The following TRPC5 variants were observed in gnomAD, a reference collection of about 807,000 sequenced individuals.
The protein encoded by TRPC5 is transient receptor potential cation channel subfamily C member 5, also known as short transient receptor potential channel 5.
A neutral mutation model predicts 56.5 loss-of-function variants in TRPC5; 9 were observed. The ratio of observed to expected loss-of-function variants is 0.16; its 90% CI spans 0.10 to 0.28. TRPC5 has a LOEUF of 0.28. Ranked by LOEUF, TRPC5 falls within the 10% of genes least tolerant of loss-of-function variation. The pLI is 1.00. For synonymous variants in TRPC5, 282 were observed against 278.5 expected (o/e 1.01, Z -0.13); for missense variants, 469 against 748.9 (o/e 0.63, Z 4.36).
intron 1 of TRPC5, among the ~76,000 whole-genome samples, chrX:111,986,685 A>G (rs1420363265): frequency 9.0e-6 from 1 of 111,304 alleles, no homozygotes; most frequent in African/African-American, 3.3e-5. Context: ...TAGGAGCTCT[A>G]TGTCCCTAGC....
intron 2 of TRPC5, among the ~76,000 whole-genome samples, chrX:111,913,832 C>T (rs1183345145): frequency 3.6e-5 from 4 of 109,645 alleles, no homozygotes; most frequent in Non-Finnish European, 5.7e-5. Context: ...TGGTGGCGGG[C>T]GCCTGTAGTC....
At position 111,895,391 on chromosome X, in the gene TRPC5, G is replaced by A. The variant is rs1293704854; in HGVS notation, c.900+16900C>T. ...AAAAATTAGATTGATTATGTTTTTC[G>A]TATTGATTTGTAGTTTAAAAAATGT... On this transcript the variant is annotated intron_variant, in intron 3 of 10. Coordinates refer to ENST00000262839, the MANE Select transcript of TRPC5 (RefSeq NM_012471.3). 8.1e-5 allele frequency among the ~76,000 whole-genome samples: 9 copies of A among 111,641 alleles called. No individual in the cohort carries two copies. The East Asian group carries it at 1.1e-3, about 14-fold the overall frequency.
intron 1 of TRPC5, among the ~76,000 whole-genome samples, chrX:112,029,542 T>A (rs111335930): frequency 0.034 from 3,772 of 111,421 alleles, 93 homozygotes; most frequent in African/African-American, 0.081. Flanking sequence ...TACAGCACCT[T>A]TATTTTAGTT....
intron 1 of TRPC5, among the ~76,000 whole-genome samples, chrX:112,048,420 A>AT (rs1569530144): frequency 8.3e-5 from 9 of 108,273 alleles, no homozygotes; most frequent in African/African-American, 2.7e-4. Context: ...AAAAAAAAAA[A>AT]AAAAGGAGGG....
chrX:111,799,272 G>A (rs1290799521), intron 7 of TRPC5, among the ~76,000 whole-genome samples: 1 of 111,450 alleles, frequency 9.0e-6, no homozygotes, highest in African/African-American at 3.3e-5. Flanking sequence ...GTTTGTACTA[G>A]AAGGCCTGGA....
intron 1 of TRPC5, among the ~76,000 whole-genome samples, chrX:112,035,057 G>A (rs779490560): frequency 2.3e-4 from 23 of 101,503 alleles, no homozygotes; most frequent in Non-Finnish European, 3.6e-4. Flanking sequence ...GTAAAGTGAC[G>A]CTGTTGATTT....
In TRPC5 at chrX:111,945,429, G is replaced by T. The variant is rs903589423; in HGVS notation, c.378+6614C>A. 9.1e-5 allele frequency among the ~76,000 whole-genome samples: 10 copies of T among 110,221 alleles called. No individual in the cohort carries two copies. The Admixed American group carries it at 9.8e-4, about 11-fold the overall frequency. On this transcript the variant is annotated intron_variant, in intron 2 of 10. Transcript: ENST00000262839. ...AGTGATTAGGTAGTGGGCCAAGAGG[G>T]TCAGATTTCTGGAGCAACAAGTCCA...
At chrX:112,043,604 G>A (rs1303515021) in intron 1 of TRPC5, among the ~76,000 whole-genome samples, 1 of 106,429 alleles carries the variant, frequency 9.4e-6, no homozygotes, top group Non-Finnish European at 1.9e-5. Context: ...ACTTTCAGTG[G>A]TAACACACTG....
At chrX:111,948,846 C>T (rs1927000098) in intron 2 of TRPC5, among the ~76,000 whole-genome samples, 1 of 111,592 alleles carries the variant, frequency 9.0e-6, no homozygotes, top group Non-Finnish European at 1.9e-5. Flanking sequence ...TAAGGATACA[C>T]CCTGAGGGAC....
chrX:112,052,152 G>A (rs767420732), intron 1 of TRPC5, among the ~76,000 whole-genome samples: 1 of 111,716 alleles, frequency 9.0e-6, no homozygotes, highest in African/African-American at 3.2e-5. Context: ...AAGCAAAACT[G>A]CTGGATTCTC....
intron 1 of TRPC5, among the ~76,000 whole-genome samples, chrX:112,023,990 G>A (rs1052344108): frequency 1.3e-4 from 15 of 111,246 alleles, no homozygotes; most frequent in African/African-American, 4.6e-4. Flanking sequence ...TCAATCTCTA[G>A]AAATCTCTTT....
At chrX:111,946,638 C>G (rs1219752593) in intron 2 of TRPC5, among the ~76,000 whole-genome samples, 2 of 112,290 alleles carry the variant, frequency 1.8e-5, no homozygotes, top group African/African-American at 6.5e-5. Flanking sequence ...GTTCAATCAG[C>G]AAGCCATGTG....
intron 7 of TRPC5, among the ~76,000 whole-genome samples, chrX:111,789,100 T>G (rs1006259936): frequency 8.9e-6 from 1 of 112,042 alleles, no homozygotes; most frequent in Non-Finnish European, 1.9e-5. Flanking sequence ...AGAGCCCACA[T>G]TGCCAAAACA....
chrX:111,822,824 T>C, intron 7 of TRPC5, among the ~76,000 whole-genome samples: 1 of 111,899 alleles, frequency 8.9e-6, no homozygotes, highest in Non-Finnish European at 1.9e-5. Flanking sequence ...TTTTGGGCAC[T>C]GGAACCTTTC....
At chrX:111,781,573 A>G (rs766744056) in intron 8 of TRPC5, among the ~76,000 whole-genome samples, 1 of 111,859 alleles carries the variant, frequency 8.9e-6, no homozygotes, top group African/African-American at 3.2e-5. Context: ...AAAATACAAA[A>G]ATGTGCCCAG....
intron 1 of TRPC5, among the ~76,000 whole-genome samples, chrX:112,079,703 A>C (rs1167660727): frequency 8.9e-6 from 1 of 112,060 alleles, no homozygotes; most frequent in Non-Finnish European, 1.9e-5. Flanking sequence ...TGTTAGCTAT[A>C]GAAAGAACAG....
intron 3 of TRPC5, among the ~76,000 whole-genome samples, chrX:111,867,053 C>T (rs1422944377): frequency 9.0e-6 from 1 of 111,684 alleles, no homozygotes; most frequent in Non-Finnish European, 1.9e-5. Flanking sequence ...GGGATACTAG[C>T]CTAACTCATG....
chrX:112,044,730 C>T (rs1204097076), intron 1 of TRPC5, among the ~76,000 whole-genome samples: 1 of 112,006 alleles, frequency 8.9e-6, no homozygotes, highest in Non-Finnish European at 1.9e-5. Flanking sequence ...TGTGTGATTT[C>T]TCACCCCTAA....
chrX:112,051,770 C>T (rs1179708993), intron 1 of TRPC5, among the ~76,000 whole-genome samples: 1 of 111,744 alleles, frequency 8.9e-6, no homozygotes, highest in Non-Finnish European at 1.9e-5. Context: ...ACCCATTAAA[C>T]AACCTCCCAT....
Sources: allele counts gnomAD v4.1 joint callset (sites outside exome capture counted in the v4.1 genomes callset), GRCh38; gene constraint gnomAD v4.1.1; transcripts MANE v1.5; gene names NCBI Gene and HGNC (gene_info 2026-07-23, HGNC 2026-07-21).